The following TAFA5 variants were observed in gnomAD, a reference collection of about 807,000 sequenced individuals.
TAFA5 encodes TAFA chemokine like family member 5, also known as chemokine-like protein TAFA-5.
TAFA5 carries 6 observed loss-of-function variants against 15.3 expected under a neutral mutation model. The ratio of observed to expected loss-of-function variants is 0.39; its 90% CI spans 0.21 to 0.77. The LOEUF (loss-of-function observed/expected upper bound fraction) is 0.77, where lower values mean the gene tolerates loss of function less well. Among genes scored for constraint, TAFA5 ranks in the 30% least tolerant of loss-of-function variants. The pLI, the probability that TAFA5 is intolerant of heterozygous loss-of-function variation, is 0.41. For synonymous variants in TAFA5, 103 were observed against 80.7 expected (o/e 1.28, Z -1.48); for missense variants, 161 against 193.1 (o/e 0.83, Z 0.98).
chr22:48,670,131 G>A lies in TAFA5; in HGVS notation c.262+23385G>A, dbSNP rs78734425. Among the ~76,000 whole-genome samples, 543 of 152,310 alleles carry A rather than the reference G, an allele frequency of 3.6e-3. 1 individual carries two copies. The highest frequency in any genetic ancestry group is 0.013 in the African/African-American group (523 of 41,558). On this transcript the variant is annotated intron_variant, in intron 2 of 3. Transcript: ENST00000402357. Reference sequence around the variant, plus strand: ...GTTAGGCGCTTAGATCCTCTCAGAGGACAGCTCTCCGGGCTGTGCGTGTGC... The same window carrying A: ...GTTAGGCGCTTAGATCCTCTCAGAGAACAGCTCTCCGGGCTGTGCGTGTGC...
At chr22:48,710,386 G>A (rs987653207) in intron 3 of TAFA5, among the ~76,000 whole-genome samples, 4 of 152,086 alleles carry the variant, frequency 2.6e-5, no homozygotes, top group African/African-American at 9.7e-5. Flanking sequence ...CCTGCCTCCT[G>A]CGTTCACCCA....
At chr22:48,651,649 C>G (rs939379718) in intron 2 of TAFA5, among the ~76,000 whole-genome samples, 1 of 152,156 alleles carries the variant, frequency 6.6e-6, no homozygotes, top group East Asian at 1.9e-4. Flanking sequence ...TGGCAGTAGA[C>G]GCGCAGCCTT....
chr22:48,631,340 G>A lies in TAFA5; in HGVS notation c.113-15257G>A, dbSNP rs542764179. On this transcript the variant is annotated intron_variant, in intron 1 of 3. Transcript: ENST00000402357. ...ACCCAGCCACATGCCTTCCATGAGGGCCACGCTGGACACACGCCTGCCCGG... is the reference window on the plus strand; with the variant it reads ...ACCCAGCCACATGCCTTCCATGAGGACCACGCTGGACACACGCCTGCCCGG... 3.3e-5 allele frequency among the ~76,000 whole-genome samples: 5 copies of A among 152,340 alleles called. No homozygotes were observed. The East Asian group carries it at 7.7e-4, about 24-fold the overall frequency.
At chr22:48,726,381 A>AG (rs1159480599) in intron 3 of TAFA5, among the ~76,000 whole-genome samples, 11 of 152,228 alleles carry the variant, frequency 7.2e-5, no homozygotes, top group African/African-American at 2.7e-4. Flanking sequence ...CAGGGTAGAG[A>AG]GGCTAGTGGT....
intron 2 of TAFA5, among the ~76,000 whole-genome samples, chr22:48,656,143 A>T (rs964066804): frequency 4.6e-5 from 7 of 151,926 alleles, no homozygotes; most frequent in African/African-American, 1.7e-4. Flanking sequence ...CGCCCGGCCG[A>T]CGCTGATTCT....
chr22:48,680,908 G>A (rs1928163274), intron 2 of TAFA5, among the ~76,000 whole-genome samples: 1 of 152,336 alleles, frequency 6.6e-6, no homozygotes, highest in Middle Eastern at 3.4e-3. Context: ...GGCAAGAACT[G>A]GGGAGCATGG....
At chr22:48,502,816 CACCTG>C (rs1920960511) in intron 1 of TAFA5, among the ~76,000 whole-genome samples, 1 of 152,216 alleles carries the variant, frequency 6.6e-6, no homozygotes, top group Middle Eastern at 3.2e-3. Flanking sequence ...GCCACCACCG[CACCTG>C]GCCAAGAGTG....
At chr22:48,606,131 C>T (rs1354959698) in intron 1 of TAFA5, among the ~76,000 whole-genome samples, 1 of 152,198 alleles carries the variant, frequency 6.6e-6, no homozygotes, top group Non-Finnish European at 1.5e-5. Context: ...CCATGAGAGT[C>T]AGCAGCAGGG....
intron 1 of TAFA5, among the ~76,000 whole-genome samples, chr22:48,638,448 C>T (rs1926540009): frequency 8.2e-6 from 1 of 121,548 alleles, no homozygotes; most frequent in African/African-American, 3.0e-5. Context: ...CACCCCTCCC[C>T]CGACACTAAG....
At chr22:48,679,019 CGCGT>C (rs1928078387) in intron 2 of TAFA5, among the ~76,000 whole-genome samples, 15 of 99,840 alleles carry the variant, frequency 1.5e-4, no homozygotes, top group Admixed American at 5.1e-4. Context: ...CTCCCGGCTC[CGCGT>C]CCATCCCTCT....
intron 2 of TAFA5, among the ~76,000 whole-genome samples, chr22:48,692,283 C>T (rs761611650): frequency 7.2e-5 from 11 of 152,204 alleles, no homozygotes; most frequent in Non-Finnish European, 1.3e-4. Flanking sequence ...TGCTGAGAGT[C>T]AGGGGTCCGC....
At chr22:48,501,136 T>C (rs1920949293) in intron 1 of TAFA5, among the ~76,000 whole-genome samples, 1 of 152,172 alleles carries the variant, frequency 6.6e-6, no homozygotes, top group Non-Finnish European at 1.5e-5. Flanking sequence ...TGTGAGTGGC[T>C]TTGCCTCCAC....
chr22:48,659,422 T>G (rs1017816648), intron 2 of TAFA5, among the ~76,000 whole-genome samples: 9 of 152,298 alleles, frequency 5.9e-5, no homozygotes, highest in African/African-American at 2.2e-4. Flanking sequence ...GGTCACATTC[T>G]CCTCAGGGGG....
chr22:48,524,090 T>G (rs1018593677), intron 1 of TAFA5, among the ~76,000 whole-genome samples: 1 of 152,246 alleles, frequency 6.6e-6, no homozygotes, highest in Non-Finnish European at 1.5e-5. Context: ...GCCTCTGACC[T>G]TATTTTAGTC....
chr22:48,728,243 C>T (rs1168149697), intron 3 of TAFA5, among the ~76,000 whole-genome samples: 1 of 152,192 alleles, frequency 6.6e-6, no homozygotes, highest in Non-Finnish European at 1.5e-5. Flanking sequence ...TGAGAATACA[C>T]TGTATTTAAA....
At chr22:48,667,076 C>A (rs1884342) in intron 2 of TAFA5, among the ~76,000 whole-genome samples, 2,053 of 135,510 alleles carry the variant, frequency 0.015, 46 homozygotes, top group East Asian at 0.11. Context: ...GGGTGAGATC[C>A]CTACTTGGAG....
chr22:48,575,869 C>CGCGGCG (rs1041721231), intron 1 of TAFA5, among the ~76,000 whole-genome samples: 2 of 143,052 alleles, frequency 1.4e-5, no homozygotes, highest in African/African-American at 5.0e-5. Context: ...CCTGGCCCGC[C>CGCGGCG]GCGGCGGCGG....
At chr22:48,712,851 G>C (rs1365951930) in intron 3 of TAFA5, among the ~76,000 whole-genome samples, 2 of 152,220 alleles carry the variant, frequency 1.3e-5, no homozygotes, top group African/African-American at 2.4e-5. Context: ...TGGGCTCTCA[G>C]AGCTGGAGGA....
chr22:48,535,617 G>T (rs1184606767), intron 1 of TAFA5, among the ~76,000 whole-genome samples: 1 of 150,494 alleles, frequency 6.6e-6, no homozygotes, highest in Non-Finnish European at 1.5e-5. Context: ...ATCACACATG[G>T]TCACACCGGC....
Sources: allele counts gnomAD v4.1 joint callset (sites outside exome capture counted in the v4.1 genomes callset), GRCh38; gene constraint gnomAD v4.1.1; transcripts MANE v1.5; gene names NCBI Gene and HGNC (gene_info 2026-07-23, HGNC 2026-07-21).